Variants in F8 observed in about 807,000 individuals in gnomAD.
F8 encodes the protein antihemophilic factor.
In F8, 12 loss-of-function variants were observed where a neutral mutation model predicts 140.6. The observed-to-expected ratio is 0.09, with a 90% CI of 0.05 to 0.14. The LOEUF (loss-of-function observed/expected upper bound fraction) is 0.14. Ranked by LOEUF, F8 falls within the 10% of genes least tolerant of loss-of-function variation. F8 has a pLI of 1.00. For missense variants in F8, 1,354 were observed against 1,720.7 expected (o/e 0.79, Z 3.77); for synonymous variants, 585 against 614.6 (o/e 0.95, Z 0.71).
chrX:154,977,564 T>G (rs1194878991), intron 6 of F8: 2 of 105,456 alleles, frequency 1.9e-5, no homozygotes, highest in Non-Finnish European at 3.9e-5. Context: ...TGGCAGGTGT[T>G]TTTTTTTTTT....
intron 1 of F8, among the ~76,000 whole-genome samples, chrX:155,021,868 T>C (rs782687216): frequency 1.2e-4 from 13 of 111,672 alleles, no homozygotes; most frequent in African/African-American, 3.6e-4. Context: ...CTGATGACCA[T>C]AGACAATATT....
Position 154,837,441 on chromosome X carries a change from A to G in F8, c.*156T>C. The stretch of plus-strand genomic sequence containing the variant: ...GGATGCACCCTCCTGGCCCCCCACC[A>G]AAGAAATGCAGGACTGATGATAGTT... On this transcript the variant is annotated 3_prime_UTR_variant, in exon 26 of 26. Coordinates refer to ENST00000360256, the MANE Select transcript of F8 (RefSeq NM_000132.4). The G allele has an allele frequency of 1.6e-6, 1 of 606,359 alleles. No individual in the cohort carries two copies. The highest frequency in any genetic ancestry group is 3.3e-5 in the Admixed American group (1 of 30,153). 50.0% of individuals were successfully genotyped at this position (606,359 alleles called of 1,213,427 possible).
At position 154,928,488 on chromosome X, in the gene F8, TCTAA is replaced by T. The variant is rs1436490729; in HGVS notation, c.5219+79_5219+82del. The T allele has an allele frequency of 2.2e-5, 19 of 869,620 alleles. No homozygotes were observed. The Admixed American group carries it at 4.2e-4, about 19-fold the overall frequency. 71.7% of individuals were successfully genotyped at this position (869,620 alleles called of 1,213,427 possible). On this transcript the variant is annotated intron_variant, in intron 14 of 25. Coordinates refer to ENST00000360256, the MANE Select transcript of F8 (RefSeq NM_000132.4). ...TTCAAGACACCTTGATTTTTCATCC[TCTAA>T]CTCTCATTGTTGGTGTCATCATCTG...
At chrX:154,938,294 T>C (rs2073235057) in intron 13 of F8, among the ~76,000 whole-genome samples, 1 of 111,839 alleles carries the variant, frequency 8.9e-6, no homozygotes, top group Non-Finnish European at 1.9e-5. Context: ...GCTACAGTGA[T>C]ACAGTCATCA....
intron 6 of F8, among the ~76,000 whole-genome samples, chrX:154,970,377 T>C (rs1043644250): frequency 5.4e-5 from 6 of 111,981 alleles, no homozygotes; most frequent in African/African-American, 2.0e-4. Context: ...AGCTGCCTCC[T>C]ATTTTGGCTC....
At chrX:155,013,145 C>CA (rs34940593) in intron 1 of F8, among the ~76,000 whole-genome samples, 10,972 of 33,594 alleles carry the variant, frequency 0.33, 1,799 homozygotes, top group African/African-American at 0.33. Flanking sequence ...GACTCCGTCT[C>CA]AAAAAAAAAA....
At chrX:154,923,060 AATG>A (rs1282628935) in intron 14 of F8, among the ~76,000 whole-genome samples, 3 of 111,657 alleles carry the variant, frequency 2.7e-5, no homozygotes, top group Non-Finnish European at 5.7e-5. Context: ...TCAGATGAGA[AATG>A]ATGATAATTT....
chrX:154,904,316 T>C lies in F8; in HGVS notation c.5795A>G (p.Lys1932Arg), dbSNP rs2073026012. 8 of 1,208,026 alleles carry C rather than the reference T, an allele frequency of 6.6e-6. No individual in the cohort carries two copies. The highest frequency in any genetic ancestry group is 5.6e-6 in the Non-Finnish European group (5 of 893,071). ...CNIQMEDPTF[K>R]ENYRFHAING... ...ATTACCATGGAAGCGATAATTCTCT[T>C]TAAAAGTGGGATCTTCCATCTGGAT... Residue 1932 changes from lysine to arginine, a missense_variant, in exon 17 of 26, where the codon AAA becomes AGA. Lys to Arg is a conservative substitution (Grantham distance 26). Coordinates refer to ENST00000360256, the MANE Select transcript of F8 (RefSeq NM_000132.4).
chrX:154,892,778 T>G (rs1557275262), intron 22 of F8, among the ~76,000 whole-genome samples: 1 of 111,241 alleles, frequency 9.0e-6, no homozygotes, highest in African/African-American at 3.3e-5. Flanking sequence ...TAATCCCCCC[T>G]CCTTTCGGCA....
chrX:154,876,183 G>A (rs781942965), intron 22 of F8, among the ~76,000 whole-genome samples: 55 of 101,624 alleles, frequency 5.4e-4, no homozygotes, highest in African/African-American at 2.0e-3. Flanking sequence ...GCCGTGGCGC[G>A]ATCTCGGCTC....
rs1195834940 is a variant in F8 at position 154,944,497 on chromosome X, G to A, written c.2113+3201C>T. Among the ~76,000 whole-genome samples the A allele has an allele frequency of 1.3e-4, 14 of 110,982 alleles. No individual in the cohort carries two copies. In the East Asian group the frequency reaches 3.4e-3, roughly 27 times the overall value. ...ACCATCTCACACCAGTTAGAATGGC[G>A]ATCATTAAAAAGTCAGGAAACAACA... On this transcript the variant is annotated intron_variant, in intron 13 of 25. Coordinates refer to ENST00000360256, the MANE Select transcript of F8 (RefSeq NM_000132.4).
chrX:154,962,106 G>A (rs148684662), intron 9 of F8, among the ~76,000 whole-genome samples: 99 of 111,956 alleles, frequency 8.8e-4, no homozygotes, highest in Admixed American at 1.7e-3. Context: ...AGCTCCTCCT[G>A]GAACCTGTTA....
rs1800283 is a variant in F8, at chrX:155,022,451, G to A, written c.102C>T (p.Asp34=). Residue 34 remains aspartate (D), a synonymous_variant, in exon 1 of 26, where the codon GAC becomes GAT. Coordinates refer to ENST00000360256, the MANE Select transcript of F8 (RefSeq NM_000132.4). ...GCTCACCGAGATCACTTTGCATATAGTCCCATGACAGTTCCACTGCACCCA... is the reference window on the plus strand; with the variant it reads ...GCTCACCGAGATCACTTTGCATATAATCCCATGACAGTTCCACTGCACCCA... ...YYLGAVELSW[D]YMQSDLGELP... The A allele has an allele frequency of 1.5e-3, 1,757 of 1,208,720 alleles. No homozygotes were observed. The highest frequency in any genetic ancestry group is 1.8e-3 in the Non-Finnish European group (1,613 of 894,936).
At chrX:154,984,379 C>A (rs1216782470) in intron 6 of F8, among the ~76,000 whole-genome samples, 1 of 111,780 alleles carries the variant, frequency 8.9e-6, no homozygotes, top group African/African-American at 3.3e-5. Flanking sequence ...TTTCTTTGTT[C>A]ATCTTTGCAT....
chrX:154,903,853 T>C (rs1271215667), intron 18 of F8, 53 bp downstream of exon 18: 1 of 1,081,289 alleles, frequency 9.2e-7, no homozygotes, highest in African/African-American at 1.8e-5. Context: ...CCATTTAAAG[T>C]AAGTACTCAA....
At chrX:154,902,280 T>A in intron 18 of F8, 113 bp from the exon 19 acceptor site, 1 of 585,535 alleles carries the variant, frequency 1.7e-6, no homozygotes, top group Non-Finnish European at 3.0e-6. Context: ...GTAGTTCCAC[T>A]ACTTTTGGAC....
rs2124082280 is a variant in F8, at chrX:154,947,842, A to G, written c.1969T>C (p.Tyr657His). 5.8e-6 allele frequency: 7 copies of G among 1,211,240 alleles called. No individual in the cohort carries two copies. The highest frequency in any genetic ancestry group is 2.3e-4 in the Middle Eastern group (1 of 4,355). ...GTCTGTGCTCCAATGCTTAGAATGT[A>G]CCAGTATGCCACCTCATGCAAACAA... ...SVCLHEVAYWYILSIGAQTDF... is the reference protein window; with the variant it reads ...SVCLHEVAYWHILSIGAQTDF... Residue 657 changes from tyrosine (Y) to histidine (H), a missense_variant, in exon 13 of 26, where the codon TAC (tyrosine) becomes CAC (histidine). By Grantham distance (83) the Tyr-to-His change is moderately conservative. Around this residue, in one of 4 missense-constraint regions of F8, gnomAD observed 252 missense variants for 338.5 expected, o/e 0.74. Coordinates refer to ENST00000360256, the MANE Select transcript of F8 (RefSeq NM_000132.4).
intron 25 of F8, among the ~76,000 whole-genome samples, chrX:154,850,115 G>A (rs1391879051): frequency 1.3e-4 from 14 of 106,434 alleles, no homozygotes; most frequent in Admixed American, 1.1e-3. Context: ...GTGTGTGTGT[G>A]TGTGTATTTT....
At chrX:154,989,288 T>G (rs1990489074) in intron 4 of F8, among the ~76,000 whole-genome samples, 1 of 111,865 alleles carries the variant, frequency 8.9e-6, no homozygotes, top group African/African-American at 3.2e-5. Context: ...GGTGTATAGG[T>G]CTATAACTTT....
Sources: allele counts gnomAD v4.1 joint callset (sites outside exome capture counted in the v4.1 genomes callset), GRCh38; gene constraint gnomAD v4.1.1; regional missense constraint gnomAD v4.1.1; transcripts MANE v1.5; gene names NCBI Gene and HGNC (gene_info 2026-07-23, HGNC 2026-07-21).